TRAK2: variants seen among roughly 807,000 people sequenced by gnomAD.
The protein encoded by TRAK2 is trafficking kinesin protein 2.
Under a neutral mutation model 104.6 loss-of-function variants are expected in TRAK2, and 81 were observed. That is an observed-to-expected ratio of 0.77 (90% CI 0.65 to 0.93). The LOEUF is 0.93. TRAK2 is among the 40% of genes least tolerant of loss of function. The probability of loss-of-function intolerance (pLI) is 0.00; values close to 1 mark genes in which losing one functional copy is unlikely to be tolerated. For missense variants in TRAK2, 1,002 were observed against 1,089.0 expected (o/e 0.92, Z 1.12); for synonymous variants, 406 against 394.4 (o/e 1.03, Z -0.35).
intron 2 of TRAK2, among the ~76,000 whole-genome samples, chr2:201,414,323 C>T (rs547837273): frequency 4.6e-5 from 7 of 152,290 alleles, no homozygotes; most frequent in African/African-American, 1.4e-4. Context: ...AATACTAGGG[C>T]TTAAAATAGC....
chr2:201,412,380 A>C, intron 2 of TRAK2: 1 of 1,334,264 alleles, frequency 7.5e-7, no homozygotes, highest in Non-Finnish European at 1.1e-6. Flanking sequence ...TTACAGTTGG[A>C]GTTACATTTA....
At chr2:201,431,240 C>G (rs1951839751) in intron 1 of TRAK2, among the ~76,000 whole-genome samples, 1 of 152,198 alleles carries the variant, frequency 6.6e-6, no homozygotes, top group South Asian at 2.1e-4. Flanking sequence ...GCATCTTTCT[C>G]CATAGCAGTG....
rs934000472 is a variant in TRAK2 at position 201,377,483 on chromosome 2, T to C, written c.*3060A>G. The C allele has an allele frequency of 2.0e-5, 3 of 152,252 alleles. No homozygotes were observed. Among genetic ancestry groups the C allele is most frequent in the Non-Finnish European group, 4.4e-5 (3 of 68,044 alleles). The allele number at this position is 152,252 out of a possible 1,614,324, so 9.4% of individuals were successfully genotyped here. Reference sequence around the variant, plus strand: ...GCCCACTAAACACTAAGAGCCCTAGTTCTAGATGTCACAAGTTGATGTTAG... The same window carrying C: ...GCCCACTAAACACTAAGAGCCCTAGCTCTAGATGTCACAAGTTGATGTTAG... On this transcript the variant is annotated 3_prime_UTR_variant, in exon 16 of 16. Coordinates refer to ENST00000332624, the MANE Select transcript of TRAK2 (RefSeq NM_015049.3).
intron 2 of TRAK2, chr2:201,411,516 T>C (rs1951646999): frequency 2.7e-6 from 2 of 746,656 alleles, no homozygotes; most frequent in East Asian, 2.5e-5. Context: ...CTTAGTCTTA[T>C]GTTCAGACTC....
At chr2:201,410,300 C>T (rs1476144480) in intron 2 of TRAK2, among the ~76,000 whole-genome samples, 5 of 149,614 alleles carry the variant, frequency 3.3e-5, no homozygotes, top group Non-Finnish European at 5.9e-5. Context: ...AGCAAGACTC[C>T]GTCTCAAAAA....
At chr2:201,434,712 A>G (rs1003933635) in intron 1 of TRAK2, among the ~76,000 whole-genome samples, 1 of 152,238 alleles carries the variant, frequency 6.6e-6, no homozygotes, top group African/African-American at 2.4e-5. Context: ...CATGTTTTCA[A>G]ACTATACTTC....
chr2:201,388,804 C>G (rs1040123898), intron 12 of TRAK2, among the ~76,000 whole-genome samples: 1 of 152,144 alleles, frequency 6.6e-6, no homozygotes, highest in African/African-American at 2.4e-5. Context: ...GCAACTGAAA[C>G]CTAGTGTGAT....
chr2:201,381,131 GAGTCTATAGGAC>G lies in TRAK2; in HGVS notation c.2145_2156del (p.Leu715_Leu719delinsPhe). 6.2e-7 allele frequency: 1 copy of G among 1,613,912 alleles called. No homozygotes were observed. Among genetic ancestry groups the G allele is most frequent in the Non-Finnish European group, 8.5e-7 (1 of 1,179,952 alleles). On this transcript the variant is annotated inframe_deletion, in exon 16 of 16. Transcript: ENST00000332624. Reference sequence around the variant, plus strand: ...GGTTGGTGATGGACTCACCAATGCTGAGTCTATAGGACAAGGCAGGAGAATTCACAGCCGTGT... The same window carrying G: ...GGTTGGTGATGGACTCACCAATGCTGAAGGCAGGAGAATTCACAGCCGTGT...
chr2:201,395,471 A>G, intron 7 of TRAK2, 27 bp from the exon 8 acceptor site: 1 of 1,495,846 alleles, frequency 6.7e-7, no homozygotes, highest in Non-Finnish European at 9.0e-7. Context: ...ATTTTTTTAA[A>G]TTAATACAAA....
intron 1 of TRAK2, among the ~76,000 whole-genome samples, chr2:201,437,728 G>T (rs1165995705): frequency 1.3e-5 from 2 of 151,754 alleles, no homozygotes; most frequent in African/African-American, 2.4e-5. Flanking sequence ...GTTTCCTACC[G>T]TGTCCTCCAG....
At chr2:201,409,196 A>G (rs1014019960) in intron 2 of TRAK2, among the ~76,000 whole-genome samples, 2 of 152,180 alleles carry the variant, frequency 1.3e-5, no homozygotes, top group African/African-American at 4.8e-5. Context: ...GGTTATATGA[A>G]TTAAATGAGA....
At chr2:201,442,525 A>C (rs1304498918) in intron 1 of TRAK2, among the ~76,000 whole-genome samples, 2 of 152,348 alleles carry the variant, frequency 1.3e-5, no homozygotes, top group Middle Eastern at 3.4e-3. Context: ...AGAGGCAGTT[A>C]ACTTCTGAAA....
chr2:201,391,794 T>C (rs1951450277), intron 10 of TRAK2, among the ~76,000 whole-genome samples: 1 of 152,136 alleles, frequency 6.6e-6, no homozygotes, highest in African/African-American at 2.4e-5. Flanking sequence ...TACTGGAATC[T>C]AATCATGAGG....
chr2:201,406,989 A>G (rs777127033), intron 3 of TRAK2, among the ~76,000 whole-genome samples: 1 of 152,248 alleles, frequency 6.6e-6, no homozygotes, highest in Admixed American at 6.5e-5. Flanking sequence ...TTATGCTGAC[A>G]TAATTCTTGT....
At chr2:201,432,198 G>T (rs553015371) in intron 1 of TRAK2, among the ~76,000 whole-genome samples, 1 of 152,112 alleles carries the variant, frequency 6.6e-6, no homozygotes, top group African/African-American at 2.4e-5. Flanking sequence ...GATGAGTGAC[G>T]TTAGCTTAGT....
intron 2 of TRAK2, chr2:201,411,107 A>G (rs1951642707): frequency 9.8e-7 from 1 of 1,021,754 alleles, no homozygotes; most frequent in African/African-American, 1.6e-5. Context: ...ACGTACTTGA[A>G]GCAGAAGGTT....
intron 9 of TRAK2, among the ~76,000 whole-genome samples, chr2:201,393,658 C>A (rs1350523760): frequency 1.3e-5 from 2 of 152,162 alleles, no homozygotes; most frequent in Non-Finnish European, 2.9e-5. Context: ...ATTAAAAATG[C>A]AGATTCTAGG....
Position 201,380,608 on chromosome 2 carries a change from T to C in TRAK2, c.2680A>G (p.Met894Val), listed in dbSNP as rs1001831528. ...LRRNQSLPVI[M>V]GSFAAPVCTS... ...CAAACTGGGGCAGCAAAGCTACCCA[T>C]TATGACTGGAAGACTCTGATTCCTC... Residue 894 changes from methionine (M) to valine (V), a missense_variant, in exon 16 of 16, where the codon ATG becomes GTG. Coordinates refer to ENST00000332624, the MANE Select transcript of TRAK2 (RefSeq NM_015049.3). 3.1e-6 allele frequency: 5 copies of C among 1,613,842 alleles called. No individual in the cohort carries two copies. Among genetic ancestry groups the C allele is most frequent in the Non-Finnish European group, 3.4e-6 (4 of 1,179,972 alleles).
At chr2:201,425,215 A>G (rs1951777678) in intron 1 of TRAK2, among the ~76,000 whole-genome samples, 1 of 152,178 alleles carries the variant, frequency 6.6e-6, no homozygotes, top group South Asian at 2.1e-4. Context: ...TCAGTCATAA[A>G]ATAACCACCT....
Sources: gnomAD v4.1 joint callset for allele counts (sites outside exome capture counted in the v4.1 genomes callset) on GRCh38, gnomAD v4.1.1 for gene constraint, MANE v1.5 for transcripts, NCBI Gene and HGNC (gene_info 2026-07-23, HGNC 2026-07-21) for gene names.